Variants in SPAST observed in about 807,000 individuals in gnomAD.
SPAST encodes spastic paraplegia 4 (autosomal dominant; spastin).
In SPAST, 30 loss-of-function variants were observed where a neutral mutation model predicts 76.6. The observed-to-expected ratio is 0.39, with a 90% CI of 0.29 to 0.53. The LOEUF is 0.53. SPAST is among the 20% of genes least tolerant of loss of function. The probability of loss-of-function intolerance (pLI) is 0.68; values close to 1 mark genes in which losing one functional copy is unlikely to be tolerated. For synonymous variants in SPAST, 305 were observed against 281.0 expected (o/e 1.09, Z -0.86); for missense variants, 717 against 770.5 (o/e 0.93, Z 0.82).
rs578188273 is a variant in SPAST, at chr2:32,098,994, T to C, written c.682+103T>C. 113 of 812,716 alleles carry C rather than the reference T, an allele frequency of 1.4e-4. No homozygotes were observed. The African/African-American group carries it at 1.7e-3, about 12-fold the overall frequency. The allele number at this position is 812,716 out of a possible 1,614,324, so 50.3% of individuals were successfully genotyped here. A position where few individuals can be genotyped will look rare whatever the true frequency, so the allele number is the denominator to read the frequency against. On this transcript the variant is annotated intron_variant, in intron 4 of 16. Coordinates refer to ENST00000315285, the MANE Select transcript of SPAST (RefSeq NM_014946.4). ...TTTGATTTTATAATGGTAGGTTTAA[T>C]TGTTCATGTTTTCACAGGGCTGTGT...
At chr2:32,100,720 C>G (rs2148719277) in intron 4 of SPAST, among the ~76,000 whole-genome samples, 1 of 152,136 alleles carries the variant, frequency 6.6e-6, no homozygotes, top group East Asian at 1.9e-4. Context: ...GTTTGGTTTT[C>G]TGTCCTTGCG....
At chr2:32,073,997 A>G (rs751763796) in intron 1 of SPAST, among the ~76,000 whole-genome samples, 10 of 152,122 alleles carry the variant, frequency 6.6e-5, no homozygotes, top group Non-Finnish European at 1.2e-4. Flanking sequence ...AAACTTATCT[A>G]TGGTTGAGCA....
At chr2:32,073,386 G>A (rs770790455) in intron 1 of SPAST, among the ~76,000 whole-genome samples, 1 of 152,040 alleles carries the variant, frequency 6.6e-6, no homozygotes. Flanking sequence ...CCTCTTTTCC[G>A]CTGTCTTACT....
rs1678078755 is a variant in SPAST, at chr2:32,100,465, A to G, written c.682+1574A>G. Among the ~76,000 whole-genome samples the G allele has an allele frequency of 3.9e-5, 6 of 151,926 alleles. No individual in the cohort carries two copies. The South Asian group carries it at 8.3e-4, about 21-fold the overall frequency. On this transcript the variant is annotated intron_variant, in intron 4 of 16. Coordinates refer to ENST00000315285, the MANE Select transcript of SPAST (RefSeq NM_014946.4). ...TTCTTTTGGCATAATAATTATATAT[A>G]TATTTTTAATTACACTTTACGTTCT...
intron 1 of SPAST, among the ~76,000 whole-genome samples, chr2:32,071,245 C>A (rs543052427): frequency 6.6e-6 from 1 of 152,234 alleles, no homozygotes; most frequent in Non-Finnish European, 1.5e-5. Flanking sequence ...AATGAGAGAT[C>A]AAGTTTCTCA....
At chr2:32,118,597 A>G (rs1678919929) in intron 7 of SPAST, among the ~76,000 whole-genome samples, 1 of 152,164 alleles carries the variant, frequency 6.6e-6, no homozygotes, top group Non-Finnish European at 1.5e-5. Flanking sequence ...GATTTACATA[A>G]TTGTAGACCT....
At chr2:32,099,282 T>C (rs1678031655) in intron 4 of SPAST, among the ~76,000 whole-genome samples, 1 of 152,206 alleles carries the variant, frequency 6.6e-6, no homozygotes, top group Non-Finnish European at 1.5e-5. Context: ...TCAATTTTTA[T>C]TGCATATCAA....
intron 1 of SPAST, among the ~76,000 whole-genome samples, chr2:32,070,883 A>G (rs1376394621): frequency 1.3e-5 from 2 of 152,348 alleles, no homozygotes; most frequent in East Asian, 1.9e-4. Flanking sequence ...TGGAAGACTG[A>G]AAACCTGTGA....
chr2:32,083,394 C>T (rs1257930583), intron 1 of SPAST, among the ~76,000 whole-genome samples: 2 of 151,938 alleles, frequency 1.3e-5, no homozygotes, highest in African/African-American at 2.4e-5. Flanking sequence ...TCATAAGAAA[C>T]TACCAAACTG....
chr2:32,081,650 A>G (rs553880787), intron 1 of SPAST, among the ~76,000 whole-genome samples: 2 of 151,804 alleles, frequency 1.3e-5, no homozygotes, highest in African/African-American at 4.8e-5. Context: ...TGGGCGTGGT[A>G]GCGTGTGCCT....
chr2:32,088,003 T>G (rs1037808665), intron 2 of SPAST, among the ~76,000 whole-genome samples: 10 of 151,968 alleles, frequency 6.6e-5, no homozygotes, highest in African/African-American at 2.4e-4. Context: ...TTCTCCTGCC[T>G]GAGACTCCTG....
At chr2:32,093,297 C>T (rs1414898447) in intron 3 of SPAST, among the ~76,000 whole-genome samples, 133 of 114,388 alleles carry the variant, frequency 1.2e-3, no homozygotes, top group African/African-American at 4.4e-3. Flanking sequence ...GGTGACAGAG[C>T]GAGACTCCGT....
intron 1 of SPAST, among the ~76,000 whole-genome samples, chr2:32,084,090 A>G (rs989822654): frequency 1.3e-5 from 2 of 149,780 alleles, no homozygotes; most frequent in East Asian, 2.1e-4. Flanking sequence ...GGAATAAGCA[A>G]TCTTAAAAAG....
intron 3 of SPAST, among the ~76,000 whole-genome samples, chr2:32,094,471 A>G (rs976333299): frequency 1.3e-5 from 2 of 152,186 alleles, no homozygotes; most frequent in African/African-American, 4.8e-5. Flanking sequence ...CAGAGAAGTA[A>G]GAGCCAATAC....
chr2:32,114,394 C>G (rs1678740883), intron 4 of SPAST, among the ~76,000 whole-genome samples: 1 of 151,916 alleles, frequency 6.6e-6, no homozygotes, highest in African/African-American at 2.4e-5. Context: ...CAGCCCAGGC[C>G]ACAGGTTTCA....
chr2:32,117,531 CTT>C (rs11431890), intron 7 of SPAST, among the ~76,000 whole-genome samples: 9 of 127,534 alleles, frequency 7.1e-5, no homozygotes, highest in Non-Finnish European at 6.6e-5. Context: ...TAGAATAATT[CTT>C]TTTTTTTTTT....
chr2:32,138,065 A>C (rs1234705408), intron 12 of SPAST, among the ~76,000 whole-genome samples: 1 of 152,184 alleles, frequency 6.6e-6, no homozygotes, highest in Non-Finnish European at 1.5e-5. Context: ...CCAGTCCACC[A>C]TTGATGGACA....
chr2:32,099,441 T>G (rs966828617), intron 4 of SPAST, among the ~76,000 whole-genome samples: 5 of 152,168 alleles, frequency 3.3e-5, no homozygotes, highest in African/African-American at 1.2e-4. Flanking sequence ...TACAGAAGAT[T>G]AAATGTCTTT....
chr2:32,066,929 G>A (rs1455071431), intron 1 of SPAST, among the ~76,000 whole-genome samples: 1 of 129,388 alleles, frequency 7.7e-6, no homozygotes, highest in Non-Finnish European at 1.6e-5. Context: ...AGCTGAGATC[G>A]TGCAACTGCA....
Sources: allele counts gnomAD v4.1 joint callset (sites outside exome capture counted in the v4.1 genomes callset), GRCh38; gene constraint gnomAD v4.1.1; transcripts MANE v1.5; gene names NCBI Gene and HGNC (gene_info 2026-07-23, HGNC 2026-07-21).